WASF1: variants seen among roughly 807,000 people sequenced by gnomAD.
WASF1 encodes WASP family member 1, also known as actin-binding protein WASF1.
A neutral mutation model predicts 50.5 loss-of-function variants in WASF1; 7 were observed. That is an observed-to-expected ratio of 0.14 (90% confidence interval 0.08 to 0.26). The LOEUF (loss-of-function observed/expected upper bound fraction) is 0.26, where lower values mean the gene tolerates loss of function less well. WASF1 is among the 10% of genes least tolerant of loss of function. WASF1 has a pLI of 1.00. For missense variants in WASF1, 470 were observed against 694.7 expected (o/e 0.68, Z 3.64); for synonymous variants, 205 against 244.0 (o/e 0.84, Z 1.49).
chr6:110,178,931 C>A (rs993925228), intron 1 of WASF1, among the ~76,000 whole-genome samples, 189 bp from the exon 2 acceptor site: 7 of 152,212 alleles, frequency 4.6e-5, no homozygotes, highest in African/African-American at 1.7e-4. Flanking sequence ...CCCCTTCCAA[C>A]GAAGAAAAGG....
intron 4 of WASF1, among the ~76,000 whole-genome samples, chr6:110,124,226 CCTCTCTCTCCTCTCTCTCTCT>C (rs1774281129): frequency 1.6e-5 from 1 of 60,656 alleles, no homozygotes; most frequent in African/African-American, 1.1e-4. Context: ...TCCTCTCTCT[CCTCTCTCTCCTCTCTCTCTCT>C]CTCTCTCTCT....
chr6:110,153,701 C>T (rs111414127), intron 3 of WASF1, among the ~76,000 whole-genome samples: 13,098 of 151,580 alleles, frequency 0.086, 881 homozygotes, highest in African/African-American at 0.19. Context: ...CTCAGAAGTT[C>T]GAGACCAGCT....
At chr6:110,148,994 A>G (rs1242155566) in intron 3 of WASF1, among the ~76,000 whole-genome samples, 25 of 152,242 alleles carry the variant, frequency 1.6e-4, no homozygotes, top group Admixed American at 1.6e-3. Context: ...AAGCAGATCA[A>G]TTATATCAAT....
intron 2 of WASF1, among the ~76,000 whole-genome samples, chr6:110,163,955 T>A (rs1013254571): frequency 6.6e-6 from 1 of 151,560 alleles, no homozygotes; most frequent in Non-Finnish European, 1.5e-5. Flanking sequence ...ACAATACAAA[T>A]GAGAAAAGAT....
intron 10 of WASF1, 75 bp downstream of exon 10, chr6:110,101,513 A>C (rs1250399193): frequency 2.0e-6 from 3 of 1,514,056 alleles, no homozygotes; most frequent in African/African-American, 2.8e-5. Flanking sequence ...GATAAGGAAC[A>C]CATTTTTGTC....
At chr6:110,174,304 T>C (rs1310754682) in intron 2 of WASF1, among the ~76,000 whole-genome samples, 1 of 152,148 alleles carries the variant, frequency 6.6e-6, no homozygotes, top group Non-Finnish European at 1.5e-5. Flanking sequence ...ACAAATGTAT[T>C]TGTTCAACAC....
intron 2 of WASF1, among the ~76,000 whole-genome samples, chr6:110,166,551 T>G (rs1776486051): frequency 6.6e-6 from 1 of 151,938 alleles, no homozygotes; most frequent in South Asian, 2.1e-4. Context: ...ATATTGGTAT[T>G]TTATACTCTA....
chr6:110,100,404 G>A lies in WASF1; in HGVS notation c.*118C>T. 1 of 948,078 alleles carries A rather than the reference G, an allele frequency of 1.1e-6. No homozygotes were observed. The highest frequency in any genetic ancestry group is 2.3e-5 in the South Asian group (1 of 44,368). The allele number at this position is 948,078 out of a possible 1,614,324, so 58.7% of individuals were successfully genotyped here. A position where few individuals can be genotyped will look rare whatever the true frequency, so the allele number is the denominator to read the frequency against. ...AGAAATCAAAAGTTATGGAGGAAAA[G>A]GGTCATTTATTATAAGGAAAAGAAA... On this transcript the variant is annotated 3_prime_UTR_variant, in exon 11 of 11. Coordinates refer to ENST00000392589, the MANE Select transcript of WASF1 (RefSeq NM_003931.3).
At chr6:110,139,276 C>T (rs943785868) in intron 3 of WASF1, among the ~76,000 whole-genome samples, 7 of 152,216 alleles carry the variant, frequency 4.6e-5, no homozygotes, top group East Asian at 1.9e-4. Flanking sequence ...CCCAAGAGCA[C>T]GGGGATGGCC....
At chr6:110,129,520 T>C (rs1234694882) in intron 3 of WASF1, among the ~76,000 whole-genome samples, 1 of 152,144 alleles carries the variant, frequency 6.6e-6, no homozygotes, top group Non-Finnish European at 1.5e-5. Context: ...CCAAAGGAAG[T>C]GACACTAGCA....
In WASF1 at chr6:110,122,785, C is replaced by T. The variant is rs192982494; in HGVS notation, c.133+4684G>A. Among the ~76,000 whole-genome samples the T allele has an allele frequency of 2.5e-4, 38 of 152,106 alleles. 1 individual carries two copies. The highest frequency in any genetic ancestry group is 9.2e-4 in the African/African-American group (38 of 41,504). On this transcript the variant is annotated intron_variant, in intron 4 of 10. Transcript: ENST00000392589. Reference sequence around the variant, plus strand: ...GCAACAGTTTATGTTCTCGGTAAGGCTTCTGGTCAATAGTAGGCTATAGGC... The same window carrying T: ...GCAACAGTTTATGTTCTCGGTAAGGTTTCTGGTCAATAGTAGGCTATAGGC...
intron 4 of WASF1, among the ~76,000 whole-genome samples, chr6:110,115,174 C>CA (rs1217978580): frequency 6.7e-6 from 1 of 148,328 alleles, no homozygotes; most frequent in African/African-American, 2.5e-5. Flanking sequence ...TCTGCCTGAA[C>CA]AGAGTTTTAA....
chr6:110,171,489 G>GATCA (rs1776712880), intron 2 of WASF1, among the ~76,000 whole-genome samples: 2 of 152,060 alleles, frequency 1.3e-5, no homozygotes, highest in Non-Finnish European at 2.9e-5. Flanking sequence ...GTTTATAACG[G>GATCA]GGTTGTATCC....
At chr6:110,101,429 T>G (rs1773078864) in intron 10 of WASF1, among the ~76,000 whole-genome samples, 159 bp downstream of exon 10, 1 of 152,204 alleles carries the variant, frequency 6.6e-6, no homozygotes, top group Non-Finnish European at 1.5e-5. Flanking sequence ...GAAAATAATT[T>G]TAAATATAAG....
chr6:110,158,717 AT>A (rs541212075), intron 3 of WASF1, among the ~76,000 whole-genome samples: 3 of 151,766 alleles, frequency 2.0e-5, no homozygotes, highest in Non-Finnish European at 4.4e-5. Context: ...AAGCATAGCA[AT>A]TTTTTTTAAA....
At chr6:110,165,499 C>T (rs1776438324) in intron 2 of WASF1, among the ~76,000 whole-genome samples, 1 of 151,682 alleles carries the variant, frequency 6.6e-6, no homozygotes, top group Non-Finnish European at 1.5e-5. Context: ...GTTCTAGCAA[C>T]ATTAGGAACT....
chr6:110,140,314 T>G (rs570758982), intron 3 of WASF1, among the ~76,000 whole-genome samples: 1 of 152,356 alleles, frequency 6.6e-6, no homozygotes, highest in Admixed American at 6.5e-5. Flanking sequence ...CCCCTTCCCC[T>G]ATAACTTGCC....
chr6:110,144,699 A>T (rs1316640559), intron 3 of WASF1, among the ~76,000 whole-genome samples: 1 of 152,180 alleles, frequency 6.6e-6, no homozygotes, highest in Admixed American at 6.5e-5. Context: ...CAGTTTTCCC[A>T]GCACCATTTA....
At chr6:110,109,138 T>G (rs1773448502) in intron 5 of WASF1, among the ~76,000 whole-genome samples, 2 of 152,200 alleles carry the variant, frequency 1.3e-5, no homozygotes, top group African/African-American at 2.4e-5. Context: ...ACCTCTATGC[T>G]ACATATACTA....
Sources: gnomAD v4.1 joint callset for allele counts (sites outside exome capture counted in the v4.1 genomes callset) on GRCh38, gnomAD v4.1.1 for gene constraint, MANE v1.5 for transcripts, NCBI Gene and HGNC (gene_info 2026-07-23, HGNC 2026-07-21) for gene names.